Variants in RBMS2 observed in about 807,000 individuals in gnomAD.
RBMS2 encodes RNA binding motif single stranded interacting protein 2, also known as RNA-binding motif, single-stranded-interacting protein 2.
In RBMS2, 38 loss-of-function variants were observed where a neutral mutation model predicts 58.4. The observed-to-expected ratio is 0.65, with a 90% confidence interval of 0.50 to 0.85. The LOEUF (loss-of-function observed/expected upper bound fraction) is 0.85. Ranked by LOEUF, RBMS2 falls within the 40% of genes least tolerant of loss-of-function variation. The pLI is 0.00. For missense variants in RBMS2, 367 were observed against 503.7 expected, an observed-to-expected ratio of 0.73 and a Z score of 2.60; for synonymous variants, 151 against 180.7, an observed-to-expected ratio of 0.84 and a Z score of 1.32.
At position 56,595,260 on chromosome 12, in the gene RBMS2, G is replaced by A. The variant is rs1467405036; in HGVS notation, c.*6127G>A. 1.3e-5 allele frequency: 2 copies of A among 152,194 alleles called. No homozygotes were observed. The highest frequency in any genetic ancestry group is 4.8e-5 in the African/African-American group (2 of 41,440). 9.4% of individuals were successfully genotyped at this position (152,194 alleles called of 1,614,324 possible). On this transcript the variant is annotated 3_prime_UTR_variant, in exon 14 of 14. Coordinates refer to ENST00000262031, the MANE Select transcript of RBMS2 (RefSeq NM_002898.4). ...TGTTCCTTTTCTACCTTAACATACA[G>A]TTTAGGGGGTTGCACCAAGACAAAG...
At chr12:56,523,224 C>T (rs1438023134) in intron 1 of RBMS2, among the ~76,000 whole-genome samples, 2 of 152,084 alleles carry the variant, frequency 1.3e-5, no homozygotes, top group East Asian at 3.8e-4. Flanking sequence ...AGCTATAGGT[C>T]AGAGGATACA....
chr12:56,569,106 G>T, intron 3 of RBMS2, 73 bp downstream of exon 3: 2 of 1,345,024 alleles, frequency 1.5e-6, no homozygotes, highest in Non-Finnish European at 2.1e-6. Flanking sequence ...GCCCTTTACT[G>T]CTGAGAGTCC....
chr12:56,571,911 G>T, intron 5 of RBMS2, 56 bp downstream of exon 5: 1 of 1,378,080 alleles, frequency 7.3e-7, no homozygotes, highest in Non-Finnish European at 9.5e-7. Flanking sequence ...TCACTTGGGG[G>T]TCACCAGAAA....
intron 4 of RBMS2, among the ~76,000 whole-genome samples, chr12:56,570,638 C>T (rs921603858): frequency 6.6e-6 from 1 of 152,124 alleles, no homozygotes; most frequent in Admixed American, 6.6e-5. Flanking sequence ...AGTGCAGTGG[C>T]GCAATCTCGG....
intron 4 of RBMS2, among the ~76,000 whole-genome samples, chr12:56,570,574 A>G (rs569134485): frequency 9.9e-5 from 15 of 151,786 alleles, no homozygotes; most frequent in Non-Finnish European, 2.1e-4. Flanking sequence ...TTTCTATTTT[A>G]TTTTATTTAT....
chr12:56,547,881 A>G (rs1241278293), intron 1 of RBMS2, among the ~76,000 whole-genome samples: 2 of 151,114 alleles, frequency 1.3e-5, no homozygotes, highest in Non-Finnish European at 2.9e-5. Flanking sequence ...TGAACTCCTG[A>G]CCTCAGGTGA....
chr12:56,586,201 G>A (rs1022442991), intron 9 of RBMS2, among the ~76,000 whole-genome samples: 20 of 152,046 alleles, frequency 1.3e-4, no homozygotes, highest in East Asian at 1.9e-4. Context: ...GCATGGTGGC[G>A]GGCACCTGTA....
At chr12:56,546,094 C>A (rs1467725826) in intron 1 of RBMS2, among the ~76,000 whole-genome samples, 3 of 150,794 alleles carry the variant, frequency 2.0e-5, no homozygotes, top group Admixed American at 6.6e-5. Flanking sequence ...CACCACCACA[C>A]CTGGCTAATT....
At chr12:56,576,080 G>T (rs1883087060) in intron 5 of RBMS2, among the ~76,000 whole-genome samples, 2 of 152,006 alleles carry the variant, frequency 1.3e-5, no homozygotes, top group Non-Finnish European at 2.9e-5. Context: ...GCTCATGTCT[G>T]TAATCCCAAC....
intron 2 of RBMS2, among the ~76,000 whole-genome samples, chr12:56,564,867 A>G (rs1177570781): frequency 6.6e-6 from 1 of 152,108 alleles, no homozygotes; most frequent in Middle Eastern, 3.2e-3. Flanking sequence ...CCAGCTACTC[A>G]GGAGGCTGAG....
At chr12:56,576,136 A>C (rs570092193) in intron 5 of RBMS2, among the ~76,000 whole-genome samples, 1 of 152,124 alleles carries the variant, frequency 6.6e-6, no homozygotes, top group East Asian at 1.9e-4. Context: ...TCAGGAGGTC[A>C]AGACCAGCCT....
intron 1 of RBMS2, among the ~76,000 whole-genome samples, chr12:56,529,319 G>A: frequency 6.6e-6 from 1 of 152,138 alleles, no homozygotes; most frequent in East Asian, 1.9e-4. Flanking sequence ...TTGGGAGCCC[G>A]AGGCAGGTGG....
Position 56,544,330 on chromosome 12 carries a change from G to T in RBMS2, c.67-18087G>T, listed in dbSNP as rs80351106. ...ATGTGGCGTGTATTCTCTGCCTCAG[G>T]CTCTGTTTTAGAGATGTCTTTCTTG... On this transcript the variant is annotated intron_variant, in intron 1 of 13. Transcript: ENST00000262031. 1.6e-3 allele frequency among the ~76,000 whole-genome samples: 242 copies of T among 152,216 alleles called. 6 individuals are homozygous for T. In the East Asian group the frequency reaches 0.04, roughly 25 times the overall value.
At chr12:56,550,697 C>G (rs778067272) in intron 1 of RBMS2, among the ~76,000 whole-genome samples, 2 of 151,886 alleles carry the variant, frequency 1.3e-5, no homozygotes, top group African/African-American at 2.4e-5. Flanking sequence ...CAAAAATTAG[C>G]TGGGTGTGGT....
rs7299189 is a variant in RBMS2, at chr12:56,579,072, C to T, written c.543-2112C>T. ...TTGACAACTTGCTAAAGTCCCCCAACTTTGTTGTTTCTAAAGAATTGGAAA... is the reference window on the plus strand; with the variant it reads ...TTGACAACTTGCTAAAGTCCCCCAATTTTGTTGTTTCTAAAGAATTGGAAA... On this transcript the variant is annotated intron_variant, in intron 5 of 13. Coordinates refer to ENST00000262031, the MANE Select transcript of RBMS2 (RefSeq NM_002898.4). Among the ~76,000 whole-genome samples the T allele has an allele frequency of 8.5e-5, 13 of 152,160 alleles. No homozygotes were observed. The East Asian group carries it at 2.5e-3, about 29-fold the overall frequency.
intron 13 of RBMS2, 39 bp from the exon 14 acceptor site, chr12:56,589,101 T>C (rs762792990): frequency 6.2e-7 from 1 of 1,601,266 alleles, no homozygotes; most frequent in Non-Finnish European, 8.5e-7. Context: ...CAGGTTCTCA[T>C]GTTTGTCTTG....
chr12:56,579,851 C>T lies in RBMS2; in HGVS notation c.543-1333C>T, dbSNP rs976259571. Among the ~76,000 whole-genome samples, 4 of 152,094 alleles carry T rather than the reference C, an allele frequency of 2.6e-5. No individual in the cohort carries two copies. In the East Asian group the frequency reaches 5.8e-4, roughly 22 times the overall value. On this transcript the variant is annotated intron_variant, in intron 5 of 13. Transcript: ENST00000262031. The stretch of plus-strand genomic sequence containing the variant: ...ATTATCTCCTTTGATCTACACAACA[C>T]CATGTGGTAGGGTAGATGGATGTTA...
chr12:56,530,755 C>T (rs561431081), intron 1 of RBMS2, among the ~76,000 whole-genome samples: 2 of 152,286 alleles, frequency 1.3e-5, no homozygotes, highest in South Asian at 2.1e-4. Context: ...TGCATATTCA[C>T]GTCCCTCCAA....
At chr12:56,543,329 G>T (rs575867051) in intron 1 of RBMS2, among the ~76,000 whole-genome samples, 6 of 151,712 alleles carry the variant, frequency 4.0e-5, no homozygotes, top group Middle Eastern at 3.4e-3. Context: ...CTAAAAATAC[G>T]AAAAAATTAG....
Sources: allele counts gnomAD v4.1 joint callset (sites outside exome capture counted in the v4.1 genomes callset), GRCh38; gene constraint gnomAD v4.1.1; transcripts MANE v1.5; gene names NCBI Gene and HGNC (gene_info 2026-07-23, HGNC 2026-07-21).